SCN2A: variants seen among roughly 807,000 people sequenced by gnomAD.
SCN2A encodes the protein sodium channel protein type 2 subunit alpha.
In SCN2A, 20 loss-of-function variants were observed where a neutral mutation model predicts 188.7. The observed-to-expected ratio is 0.11, with a 90% CI of 0.07 to 0.15. The LOEUF (loss-of-function observed/expected upper bound fraction) is 0.15, where lower values mean the gene tolerates loss of function less well. SCN2A is among the 10% of genes least tolerant of loss of function. The probability of loss-of-function intolerance (pLI) is 1.00; values close to 1 mark genes in which losing one functional copy is unlikely to be tolerated. For missense variants in SCN2A, 1,278 were observed against 2,445.0 expected (o/e 0.52, Z 10.07); for synonymous variants, 804 against 833.1 (o/e 0.97, Z 0.60).
intron 1 of SCN2A, among the ~76,000 whole-genome samples, chr2:165,247,136 A>C (rs1574429638): frequency 6.6e-6 from 1 of 152,122 alleles, no homozygotes; most frequent in Non-Finnish European, 1.5e-5. Context: ...ACTAGATCCT[A>C]TTCTTTCTTA....
intron 1 of SCN2A, among the ~76,000 whole-genome samples, chr2:165,291,948 T>G (rs1313661577): frequency 6.6e-6 from 1 of 151,458 alleles, no homozygotes; most frequent in African/African-American, 2.4e-5. Flanking sequence ...ATGCAATGAG[T>G]TTTTCGGAGT....
chr2:165,273,813 G>T (rs1340277405), intron 1 of SCN2A: 1 of 152,058 alleles, frequency 6.6e-6, no homozygotes, highest in Non-Finnish European at 1.5e-5. Context: ...AACGGAAAAT[G>T]TCACTCATGA....
intron 3 of SCN2A, among the ~76,000 whole-genome samples, chr2:165,298,224 T>A (rs1696613029): frequency 1.3e-5 from 2 of 152,208 alleles, no homozygotes; most frequent in African/African-American, 4.8e-5. Context: ...GGGCCTGGTA[T>A]TAAGGCTTTC....
chr2:165,259,931 A>ATTTTTTTTTTTTTT (rs140137535), intron 1 of SCN2A, among the ~76,000 whole-genome samples: 2 of 89,494 alleles, frequency 2.2e-5, no homozygotes, highest in African/African-American at 4.6e-5. Flanking sequence ...CTAAAAATGG[A>ATTTTTTTTTTTTTT]TTTTTTTTTT....
At chr2:165,373,002 G>T in intron 20 of SCN2A, 1 of 480,828 alleles carries the variant, frequency 2.1e-6, no homozygotes, top group Non-Finnish European at 3.8e-6. Context: ...TCGCAGACTA[G>T]TATCATTAAC....
At chr2:165,252,817 A>C (rs1021286869) in intron 1 of SCN2A, among the ~76,000 whole-genome samples, 2 of 151,616 alleles carry the variant, frequency 1.3e-5, no homozygotes, top group African/African-American at 4.8e-5. Flanking sequence ...AGAATGTTCC[A>C]CTCTGAGACC....
At chr2:165,283,698 G>C (rs937695867) in intron 1 of SCN2A, among the ~76,000 whole-genome samples, 8 of 152,166 alleles carry the variant, frequency 5.3e-5, no homozygotes, top group Non-Finnish European at 1.2e-4. Context: ...GTGACTTTTA[G>C]AAAATCAGAC....
chr2:165,347,770 T>A (rs1471657188), intron 16 of SCN2A, among the ~76,000 whole-genome samples: 1 of 152,194 alleles, frequency 6.6e-6, no homozygotes, highest in Non-Finnish European at 1.5e-5. Context: ...GTGCCATGTG[T>A]CAAGTTTACA....
intron 12 of SCN2A, among the ~76,000 whole-genome samples, 184 bp downstream of exon 12, chr2:165,323,684 A>C (rs1698186036): frequency 6.6e-6 from 1 of 152,248 alleles, no homozygotes; most frequent in African/African-American, 2.4e-5. Flanking sequence ...AAAGTAATTA[A>C]AAACCTAGGT....
chr2:165,365,598 A>G (rs866318517), intron 18 of SCN2A, among the ~76,000 whole-genome samples: 28 of 152,264 alleles, frequency 1.8e-4, no homozygotes, highest in African/African-American at 6.7e-4. Context: ...ACAGGAGAGA[A>G]AGCCAAATCA....
intron 14 of SCN2A, among the ~76,000 whole-genome samples, chr2:165,333,705 A>C (rs1341092301): frequency 6.6e-6 from 1 of 151,796 alleles, no homozygotes; most frequent in East Asian, 1.9e-4. Context: ...GAGATTTCCC[A>C]AATTGCTAAT....
intron 1 of SCN2A, among the ~76,000 whole-genome samples, chr2:165,256,753 C>A (rs1257629671): frequency 6.6e-6 from 1 of 152,114 alleles, no homozygotes; most frequent in African/African-American, 2.4e-5. Context: ...AAAATGTTCT[C>A]TTCTGCTTCT....
chr2:165,291,348 G>GTTCCTTCCTTCCTTCC (rs1553563521), intron 1 of SCN2A, among the ~76,000 whole-genome samples: 2 of 81,978 alleles, frequency 2.4e-5, no homozygotes, highest in East Asian at 2.9e-4. Context: ...CTTGTCTGTC[G>GTTCCTTCCTTCCTTCC]TTCGTTCCTT....
chr2:165,357,905 G>A (rs1343049897), intron 17 of SCN2A, among the ~76,000 whole-genome samples: 2 of 152,050 alleles, frequency 1.3e-5, no homozygotes, highest in Non-Finnish European at 2.9e-5. Flanking sequence ...GTTTCTAAAT[G>A]ACTTTTGACT....
intron 5 of SCN2A, 68 bp downstream of exon 5, chr2:165,308,862 C>T (rs1024704180): frequency 4.2e-5 from 67 of 1,587,892 alleles, no homozygotes; most frequent in Non-Finnish European, 5.5e-5. Context: ...ACTATATTTT[C>T]CTTGGTGGCT....
At chr2:165,347,892 AG>A (rs1450448850) in intron 16 of SCN2A, among the ~76,000 whole-genome samples, 2 of 152,172 alleles carry the variant, frequency 1.3e-5, no homozygotes, top group Non-Finnish European at 2.9e-5. Context: ...GTAGGAAGAA[AG>A]ACCATCCCAA....
At chr2:165,365,337 CTGTT>C (rs1259069046) in intron 18 of SCN2A, 74 bp downstream of exon 18, 9 of 1,546,366 alleles carry the variant, frequency 5.8e-6, no homozygotes, top group Admixed American at 1.7e-5. Context: ...ATTTAAATGT[CTGTT>C]TATTTGTCTA....
intron 14 of SCN2A, among the ~76,000 whole-genome samples, chr2:165,335,893 C>A (rs6731083): frequency 0.22 from 32,806 of 151,572 alleles, 4,108 homozygotes; most frequent in East Asian, 0.36. Context: ...TATTATAACT[C>A]CACAACAAAT....
At chr2:165,320,466 T>C (rs1413821937) in intron 11 of SCN2A, 1 of 152,276 alleles carries the variant, frequency 6.6e-6, no homozygotes, top group Non-Finnish European at 1.5e-5. Flanking sequence ...AGGGACCCTG[T>C]GTTGGGGCTC....
Sources: gnomAD v4.1 joint callset for allele counts (sites outside exome capture counted in the v4.1 genomes callset) on GRCh38, gnomAD v4.1.1 for gene constraint, MANE v1.5 for transcripts, NCBI Gene and HGNC (gene_info 2026-07-23, HGNC 2026-07-21) for gene names.